The following RPS6KC1 variants were observed in gnomAD, a reference collection of about 807,000 sequenced individuals.
RPS6KC1 encodes ribosomal protein S6 kinase C1.
In RPS6KC1, 54 loss-of-function variants were observed where a neutral mutation model predicts 103.8. The ratio of observed to expected loss-of-function variants is 0.52; its 90% confidence interval spans 0.42 to 0.65. RPS6KC1 has a LOEUF of 0.65. Among genes scored for constraint, RPS6KC1 ranks in the 30% least tolerant of loss-of-function variants. The probability of loss-of-function intolerance (pLI) is 0.00; values close to 1 mark genes in which losing one functional copy is unlikely to be tolerated. For synonymous variants in RPS6KC1, 439 were observed against 438.7 expected (o/e 1.00, Z -0.01); for missense variants, 1,151 against 1,253.8 (o/e 0.92, Z 1.24).
At chr1:213,270,390 A>G (rs891894669) in intron 14 of RPS6KC1, among the ~76,000 whole-genome samples, 1 of 152,262 alleles carries the variant, frequency 6.6e-6, no homozygotes, top group Non-Finnish European at 1.5e-5. Flanking sequence ...ATTAGATGTG[A>G]TACCAAAAGC....
chr1:213,059,254 G>T (rs184118892), intron 1 of RPS6KC1, among the ~76,000 whole-genome samples: 27 of 152,266 alleles, frequency 1.8e-4, no homozygotes, highest in African/African-American at 5.1e-4. Flanking sequence ...AGAATTCTTG[G>T]TTTTTTCCTG....
chr1:213,405,170 A>C, the RPS6KC1 span, among the ~76,000 whole-genome samples: 1 of 152,212 alleles, frequency 6.6e-6, no homozygotes, highest in Non-Finnish European at 1.5e-5. Flanking sequence ...ATCCATGTCT[A>C]TCTATCCTTT....
At chr1:213,122,564 T>A (rs1489308609) in intron 5 of RPS6KC1, among the ~76,000 whole-genome samples, 1 of 152,162 alleles carries the variant, frequency 6.6e-6, no homozygotes, top group African/African-American at 2.4e-5. Flanking sequence ...TAGTGTGAGA[T>A]GACAAAATAC....
chr1:213,428,865 G>A, the RPS6KC1 span: 1 of 157,782 alleles, frequency 6.3e-6, no homozygotes, highest in African/African-American at 2.4e-5. Context: ...GGCCCAGAGA[G>A]CTTTGTTGAT....
At chr1:213,846,804 G>T in the RPS6KC1 span, among the ~76,000 whole-genome samples, 1 of 152,292 alleles carries the variant, frequency 6.6e-6, no homozygotes, top group Admixed American at 6.5e-5. Context: ...ATGAGCATCT[G>T]CAACCTAAGC....
At chr1:213,799,423 C>T in the RPS6KC1 span, among the ~76,000 whole-genome samples, 6 of 152,160 alleles carry the variant, frequency 3.9e-5, no homozygotes, top group Admixed American at 2.0e-4. Context: ...GAGATCATCC[C>T]GACCTGAGCT....
intron 8 of RPS6KC1, among the ~76,000 whole-genome samples, chr1:213,204,977 C>T (rs1198979496): frequency 6.6e-6 from 1 of 152,018 alleles, no homozygotes; most frequent in Non-Finnish European, 1.5e-5. Context: ...TAAAAGTACC[C>T]TAGCATTTAG....
At chr1:213,321,778 G>A in the RPS6KC1 span, among the ~76,000 whole-genome samples, 2 of 152,198 alleles carry the variant, frequency 1.3e-5, no homozygotes, top group Non-Finnish European at 2.9e-5. Context: ...AGTGAGAGGG[G>A]TTTCCTTTTG....
chr1:213,310,152 C>A, the RPS6KC1 span, among the ~76,000 whole-genome samples: 1 of 152,198 alleles, frequency 6.6e-6, no homozygotes. Flanking sequence ...ATTGGTTTCC[C>A]CATTCCCTTC....
At chr1:213,560,860 T>G in the RPS6KC1 span, among the ~76,000 whole-genome samples, 1 of 152,222 alleles carries the variant, frequency 6.6e-6, no homozygotes, top group East Asian at 1.9e-4. Context: ...CCTTTCATAG[T>G]AAGCAGTGGG....
the RPS6KC1 span, among the ~76,000 whole-genome samples, chr1:213,319,628 A>G: frequency 6.6e-6 from 1 of 152,174 alleles, no homozygotes; most frequent in Non-Finnish European, 1.5e-5. Flanking sequence ...CCAGCACTGG[A>G]TGGTTGGGAA....
the RPS6KC1 span, among the ~76,000 whole-genome samples, chr1:213,806,380 T>C: frequency 0.096 from 14,550 of 152,188 alleles, 1,192 homozygotes; most frequent in East Asian, 0.21. Flanking sequence ...CAGTAAACCA[T>C]GCTGTAAACA....
the RPS6KC1 span, among the ~76,000 whole-genome samples, chr1:213,696,801 A>C: frequency 1.3e-5 from 2 of 152,146 alleles, no homozygotes; most frequent in African/African-American, 4.8e-5. Context: ...TAGTCACCAA[A>C]ATTTCTCCCC....
At chr1:213,407,895 G>A in the RPS6KC1 span, among the ~76,000 whole-genome samples, 1 of 152,308 alleles carries the variant, frequency 6.6e-6, no homozygotes, top group Middle Eastern at 3.4e-3. Context: ...ATGAGGTAAG[G>A]ACTTTTTTAG....
At chr1:213,763,158 C>T in the RPS6KC1 span, among the ~76,000 whole-genome samples, 1 of 152,118 alleles carries the variant, frequency 6.6e-6, no homozygotes, top group Non-Finnish European at 1.5e-5. Context: ...TGAGCCTGGC[C>T]TTAAGGGTAA....
intron 3 of RPS6KC1, among the ~76,000 whole-genome samples, chr1:213,097,291 C>T (rs1465159173): frequency 2.0e-5 from 3 of 152,068 alleles, no homozygotes; most frequent in Non-Finnish European, 4.4e-5. Flanking sequence ...TAGGCGGAGG[C>T]TGCAGTGAGC....
chr1:213,411,002 C>T, the RPS6KC1 span, among the ~76,000 whole-genome samples: 1 of 152,010 alleles, frequency 6.6e-6, no homozygotes, highest in East Asian at 1.9e-4. Flanking sequence ...GTTGTCCTTA[C>T]ACCTGTGAAG....
chr1:213,234,209 C>T (rs1232992132), intron 10 of RPS6KC1, among the ~76,000 whole-genome samples: 2 of 151,974 alleles, frequency 1.3e-5, no homozygotes, highest in African/African-American at 4.8e-5. Context: ...TTGGGTCTCT[C>T]TATGTTGCCC....
the RPS6KC1 span, among the ~76,000 whole-genome samples, chr1:213,764,078 C>T: frequency 1.3e-5 from 2 of 152,268 alleles, no homozygotes; most frequent in South Asian, 4.1e-4. Flanking sequence ...AAATGTGTCC[C>T]CTAATTGAAG....
Sources: allele counts gnomAD v4.1 joint callset (sites outside exome capture counted in the v4.1 genomes callset), GRCh38; gene constraint gnomAD v4.1.1; transcripts MANE v1.5; gene names NCBI Gene and HGNC (gene_info 2026-07-23, HGNC 2026-07-21).